Variants in LMAN2L observed in about 807,000 individuals in gnomAD.
The protein encoded by LMAN2L is lectin, mannose binding 2 like.
A neutral mutation model predicts 44.3 loss-of-function variants in LMAN2L; 30 were observed. The ratio of observed to expected loss-of-function variants is 0.68; its 90% CI spans 0.51 to 0.92. LMAN2L has a LOEUF of 0.92. Ranked by LOEUF, LMAN2L falls within the 40% of genes least tolerant of loss-of-function variation. The pLI is 0.00. For missense variants in LMAN2L, 429 were observed against 446.1 expected (o/e 0.96, Z 0.35); for synonymous variants, 183 against 171.1 (o/e 1.07, Z -0.54).
intron 4 of LMAN2L, chr2:96,713,007 CG>C: frequency 1.0e-6 from 1 of 982,842 alleles, no homozygotes; most frequent in Non-Finnish European, 1.6e-6. Flanking sequence ...GACCAGAGAC[CG>C]GGGACTCCTG....
chr2:96,709,881 A>C (rs2077874922), intron 6 of LMAN2L, among the ~76,000 whole-genome samples: 1 of 152,244 alleles, frequency 6.6e-6, no homozygotes, highest in Non-Finnish European at 1.5e-5. Flanking sequence ...AAAAACTTAG[A>C]CTAAACAAAA....
At chr2:96,708,909 T>G (rs986732183) in intron 6 of LMAN2L, among the ~76,000 whole-genome samples, 5 of 52,768 alleles carry the variant, frequency 9.5e-5, no homozygotes, top group Admixed American at 7.3e-4. Flanking sequence ...GAAGTTAGAC[T>G]TTTTTTTTTT....
chr2:96,730,923 T>C (rs1395646619), intron 4 of LMAN2L, among the ~76,000 whole-genome samples: 2 of 152,188 alleles, frequency 1.3e-5, no homozygotes, highest in African/African-American at 4.8e-5. Context: ...TCCACCCGCC[T>C]TGGCCTCCCA....
At chr2:96,720,984 C>T (rs2078140724) in intron 4 of LMAN2L, among the ~76,000 whole-genome samples, 1 of 152,074 alleles carries the variant, frequency 6.6e-6, no homozygotes, top group South Asian at 2.1e-4. Context: ...AGATATAATT[C>T]ACAGTCCACA....
intron 4 of LMAN2L, among the ~76,000 whole-genome samples, chr2:96,717,637 C>T (rs912424194): frequency 1.3e-5 from 2 of 151,354 alleles, no homozygotes; most frequent in East Asian, 1.9e-4. Flanking sequence ...GTCGGGAGTT[C>T]GAGACCAGCC....
In LMAN2L at chr2:96,712,040, G is replaced by A. The variant is rs576428373; in HGVS notation, c.508-15C>T. ...GGGAATACCCGCTGGAAAGCAGAGA[G>A]GGGGAAGCAGACACTAAGGAAGAGC... On this transcript the variant is annotated splice_polypyrimidine_tract_variant and intron_variant, in intron 4 of 7. Transcript: ENST00000264963. The A allele has an allele frequency of 9.3e-6, 15 of 1,613,788 alleles. No homozygotes were observed. The highest frequency in any genetic ancestry group is 2.2e-5 in the East Asian group (1 of 44,882).
intron 4 of LMAN2L, among the ~76,000 whole-genome samples, chr2:96,726,181 AT>A (rs1188939955): frequency 6.6e-6 from 1 of 151,510 alleles, no homozygotes; most frequent in Non-Finnish European, 1.5e-5. Flanking sequence ...ATTTTATAAT[AT>A]TTTTGCATAT....
At chr2:96,739,286 T>C (rs1190280003) in intron 1 of LMAN2L, among the ~76,000 whole-genome samples, 2 of 152,234 alleles carry the variant, frequency 1.3e-5, no homozygotes, top group Admixed American at 6.5e-5. Context: ...TTGTGTTAGT[T>C]AAGCCATCTG....
At chr2:96,739,105 T>G (rs1055852576) in intron 1 of LMAN2L, among the ~76,000 whole-genome samples, 1 of 152,190 alleles carries the variant, frequency 6.6e-6, no homozygotes, top group Non-Finnish European at 1.5e-5. Context: ...ACCTATAAAC[T>G]TCTTTAAGAA....
chr2:96,723,458 T>A (rs1012757469), intron 4 of LMAN2L, among the ~76,000 whole-genome samples: 13 of 152,234 alleles, frequency 8.5e-5, no homozygotes, highest in Admixed American at 2.0e-4. Context: ...TTTGCATATA[T>A]CTTTTCCCAT....
intron 4 of LMAN2L, among the ~76,000 whole-genome samples, chr2:96,719,374 T>C (rs1574008138): frequency 2.0e-5 from 3 of 151,938 alleles, no homozygotes; most frequent in Middle Eastern, 6.8e-3. Context: ...CCTCTTTCAC[T>C]GTCTCAGAAA....
intron 7 of LMAN2L, 42 bp from the exon 8 acceptor site, chr2:96,707,440 C>A: frequency 6.3e-7 from 1 of 1,581,372 alleles, no homozygotes. Flanking sequence ...ACAGGGAGCC[C>A]ACCCAATAGG....
At chr2:96,733,918 G>C (rs149824205) in intron 3 of LMAN2L, among the ~76,000 whole-genome samples, 3 of 152,286 alleles carry the variant, frequency 2.0e-5, no homozygotes, top group Non-Finnish European at 4.4e-5. Flanking sequence ...CAAACAATTG[G>C]TAAAGACTAT....
At chr2:96,739,649 T>A (rs1306792104) in intron 1 of LMAN2L, among the ~76,000 whole-genome samples, 1 of 152,178 alleles carries the variant, frequency 6.6e-6, no homozygotes, top group Non-Finnish European at 1.5e-5. Context: ...CTTTACCTAC[T>A]GGAAACTTCC....
In LMAN2L at chr2:96,721,243, T is replaced by C. The variant is rs187483614; in HGVS notation, c.508-9218A>G. Among the ~76,000 whole-genome samples, 325 of 152,256 alleles carry C rather than the reference T, an allele frequency of 2.1e-3. 1 individual carries two copies. Among genetic ancestry groups the C allele is most frequent in the Middle Eastern group, 0.01 (3 of 292 alleles). On this transcript the variant is annotated intron_variant, in intron 4 of 7. Transcript: ENST00000264963. ...GGGATCATACAATGTGTGGGTCTTTTGTGACTGGCTTCTTCCACTTAGCAT... is the reference window on the plus strand; with the variant it reads ...GGGATCATACAATGTGTGGGTCTTTCGTGACTGGCTTCTTCCACTTAGCAT...
chr2:96,723,870 C>A (rs2078211474), intron 4 of LMAN2L, among the ~76,000 whole-genome samples: 1 of 151,936 alleles, frequency 6.6e-6, no homozygotes, highest in Non-Finnish European at 1.5e-5. Flanking sequence ...GGGTGGATCA[C>A]GAGATCAGGA....
chr2:96,728,115 TTAGA>T (rs1172197861), intron 4 of LMAN2L, among the ~76,000 whole-genome samples: 2 of 152,222 alleles, frequency 1.3e-5, no homozygotes, highest in Non-Finnish European at 2.9e-5. Flanking sequence ...TTTTACCCTC[TTAGA>T]TAGTTGTAGG....
chr2:96,739,300 T>C (rs1422556941), intron 1 of LMAN2L, among the ~76,000 whole-genome samples: 1 of 152,234 alleles, frequency 6.6e-6, no homozygotes, highest in Non-Finnish European at 1.5e-5. Flanking sequence ...CCATCTGCAC[T>C]GGTTTGTCAT....
intron 2 of LMAN2L, among the ~76,000 whole-genome samples, chr2:96,736,679 C>T (rs2078522620): frequency 6.6e-6 from 1 of 152,306 alleles, no homozygotes; most frequent in South Asian, 2.1e-4. Flanking sequence ...ACGACAACCC[C>T]AGTGGGCAAG....
Sources: gnomAD v4.1 joint callset for allele counts (sites outside exome capture counted in the v4.1 genomes callset) on GRCh38, gnomAD v4.1.1 for gene constraint, MANE v1.5 for transcripts, NCBI Gene and HGNC (gene_info 2026-07-23, HGNC 2026-07-21) for gene names.